GALNT13: variants seen among roughly 807,000 people sequenced by gnomAD.
GALNT13 encodes the protein polypeptide N-acetylgalactosaminyltransferase 13.
A neutral mutation model predicts 64.2 loss-of-function variants in GALNT13; 28 were observed. The ratio of observed to expected loss-of-function variants is 0.44; its 90% confidence interval spans 0.32 to 0.60. The LOEUF is 0.60. GALNT13 is among the 20% of genes least tolerant of loss of function. GALNT13 has a pLI of 0.05. For synonymous variants in GALNT13, 214 were observed against 224.6 expected, an observed-to-expected ratio of 0.95 and a Z score of 0.42; for missense variants, 577 against 669.8, an observed-to-expected ratio of 0.86 and a Z score of 1.53.
chr2:154,119,631 T>G (rs922913927), intron 3 of GALNT13, among the ~76,000 whole-genome samples: 2 of 152,168 alleles, frequency 1.3e-5, no homozygotes, highest in Non-Finnish European at 2.9e-5. Context: ...CTTTTGTCTT[T>G]TTGCTCCTCT....
chr2:153,216,910 T>G, the GALNT13 span, among the ~76,000 whole-genome samples: 1 of 152,036 alleles, frequency 6.6e-6, no homozygotes, highest in Non-Finnish European at 1.5e-5. Context: ...TTAAATTTTC[T>G]TATAGAAATC....
At chr2:153,615,249 A>G in the GALNT13 span, among the ~76,000 whole-genome samples, 1 of 152,014 alleles carries the variant, frequency 6.6e-6, no homozygotes. Context: ...TGTAGGTACC[A>G]CATTTTCTTA....
At chr2:153,626,046 T>A in the GALNT13 span, among the ~76,000 whole-genome samples, 1 of 152,106 alleles carries the variant, frequency 6.6e-6, no homozygotes, top group Non-Finnish European at 1.5e-5. Context: ...AATTAATATA[T>A]TAATTCTTTC....
At chr2:153,277,927 C>CTTTTTTTTTTTTTTCTTTTTTTTTTTT in the GALNT13 span, among the ~76,000 whole-genome samples, 1 of 80,112 alleles carries the variant, frequency 1.2e-5, no homozygotes, top group Non-Finnish European at 2.3e-5. Flanking sequence ...TCTTTTCTTT[C>CTTTTTTTTTTTTTTCTTTTTTTTTTTT]TTTTTTTTTT....
chr2:153,952,532 C>T (rs181170451), intron 3 of GALNT13, among the ~76,000 whole-genome samples: 1 of 152,036 alleles, frequency 6.6e-6, no homozygotes, highest in East Asian at 1.9e-4. Context: ...GCAGAGAAGA[C>T]ACAATGGGAA....
rs1700427414 is a variant in GALNT13, at chr2:154,065,711, AAC to A, written c.143-74620_143-74619del. On this transcript the variant is annotated intron_variant, in intron 3 of 12. Transcript: ENST00000392825. ...CTGCAGTGACCAAAACTTAGATCAT[AAC>A]ACACAAGTCCATTCAAAATCATAGG... 2.0e-5 allele frequency among the ~76,000 whole-genome samples: 3 copies of A among 152,290 alleles called. No individual in the cohort carries two copies. The South Asian group carries it at 6.2e-4, about 32-fold the overall frequency.
intron 3 of GALNT13, among the ~76,000 whole-genome samples, chr2:154,121,533 T>C (rs1168238076): frequency 2.6e-5 from 4 of 152,158 alleles, no homozygotes; most frequent in African/African-American, 9.7e-5. Context: ...ATTTTATACA[T>C]ATTATGTAAC....
chr2:153,981,068 C>T (rs1694428273), intron 3 of GALNT13, among the ~76,000 whole-genome samples: 1 of 152,056 alleles, frequency 6.6e-6, no homozygotes, highest in Admixed American at 6.6e-5. Flanking sequence ...TCTCAGTTCA[C>T]ACCCTAATAT....
chr2:153,716,445 G>T, the GALNT13 span, among the ~76,000 whole-genome samples: 1 of 152,042 alleles, frequency 6.6e-6, no homozygotes, highest in Non-Finnish European at 1.5e-5. Flanking sequence ...GTGTGGCCCA[G>T]GGAAACCAAA....
chr2:154,194,053 C>T (rs1424392863), intron 4 of GALNT13, among the ~76,000 whole-genome samples: 2 of 152,110 alleles, frequency 1.3e-5, no homozygotes, highest in Non-Finnish European at 2.9e-5. Flanking sequence ...AGCAGAATCA[C>T]CCAATGAAAA....
chr2:153,072,681 C>T, the GALNT13 span, among the ~76,000 whole-genome samples: 3 of 152,166 alleles, frequency 2.0e-5, no homozygotes, highest in Non-Finnish European at 4.4e-5. Flanking sequence ...TTTAACCTCT[C>T]ATTATTCTCC....
the GALNT13 span, among the ~76,000 whole-genome samples, chr2:153,580,726 A>T: frequency 6.6e-6 from 1 of 152,196 alleles, no homozygotes; most frequent in South Asian, 2.1e-4. Context: ...AGGTGTTTAT[A>T]ACAATTGCTT....
chr2:153,320,788 A>G, the GALNT13 span, among the ~76,000 whole-genome samples: 1 of 152,194 alleles, frequency 6.6e-6, no homozygotes, highest in Non-Finnish European at 1.5e-5. Context: ...TAATATCTTC[A>G]GCTGAAAGAT....
intron 11 of GALNT13, among the ~76,000 whole-genome samples, chr2:154,434,103 A>G (rs535382863): frequency 6.6e-6 from 1 of 152,356 alleles, no homozygotes; most frequent in South Asian, 2.1e-4. Context: ...AACCAACTCT[A>G]CTAAGATCTT....
At chr2:153,729,057 G>A in the GALNT13 span, among the ~76,000 whole-genome samples, 7 of 152,074 alleles carry the variant, frequency 4.6e-5, no homozygotes, top group African/African-American at 1.7e-4. Flanking sequence ...TCTATCAGAG[G>A]TACAAAGAAG....
intron 3 of GALNT13, among the ~76,000 whole-genome samples, chr2:153,951,721 G>A (rs930636220): frequency 6.6e-6 from 1 of 152,148 alleles, no homozygotes; most frequent in Non-Finnish European, 1.5e-5. Context: ...GAACTGTTCA[G>A]TAGGAAGTTG....
intron 1 of GALNT13, among the ~76,000 whole-genome samples, chr2:153,898,347 A>G (rs563596388): frequency 6.6e-6 from 1 of 152,280 alleles, no homozygotes; most frequent in Admixed American, 6.5e-5. Context: ...GCCAGTCCAT[A>G]TTTTTATGCA....
intron 11 of GALNT13, among the ~76,000 whole-genome samples, chr2:154,413,368 C>T (rs1464967785): frequency 6.6e-6 from 1 of 151,946 alleles, no homozygotes; most frequent in African/African-American, 2.4e-5. Context: ...AGGATCTCTG[C>T]CTTTGTTCTA....
chr2:153,205,401 G>T, the GALNT13 span, among the ~76,000 whole-genome samples: 1 of 152,048 alleles, frequency 6.6e-6, no homozygotes, highest in Admixed American at 6.5e-5. Context: ...GAGATAGTCG[G>T]TTTTTTAAAC....
Sources: allele counts gnomAD v4.1 joint callset (sites outside exome capture counted in the v4.1 genomes callset), GRCh38; gene constraint gnomAD v4.1.1; transcripts MANE v1.5; gene names NCBI Gene and HGNC (gene_info 2026-07-23, HGNC 2026-07-21).